DLG2: variants seen among roughly 807,000 people sequenced by gnomAD.
DLG2 encodes the protein disks large homolog 2.
A neutral mutation model predicts 132.5 loss-of-function variants in DLG2; 45 were observed. That is an observed-to-expected ratio of 0.34 (90% CI 0.27 to 0.44). The LOEUF (loss-of-function observed/expected upper bound fraction) is 0.44, where lower values mean the gene tolerates loss of function less well. Among genes scored for constraint, DLG2 ranks in the 20% least tolerant of loss-of-function variants. The pLI, the probability that DLG2 is intolerant of heterozygous loss-of-function variation, is 1.00. For synonymous variants in DLG2, 424 were observed against 419.6 expected, an observed-to-expected ratio of 1.01 and a Z score of -0.13; for missense variants, 1,045 against 1,196.9, an observed-to-expected ratio of 0.87 and a Z score of 1.87.
At chr11:85,365,661 T>C (rs1360996594) in intron 3 of DLG2, among the ~76,000 whole-genome samples, 3 of 152,132 alleles carry the variant, frequency 2.0e-5, no homozygotes, top group Non-Finnish European at 4.4e-5. Flanking sequence ...CTATTCACAA[T>C]AGCAAAGACT....
chr11:83,552,761 C>A (rs1035586363), intron 19 of DLG2, among the ~76,000 whole-genome samples: 1 of 152,180 alleles, frequency 6.6e-6, no homozygotes, highest in Non-Finnish European at 1.5e-5. Flanking sequence ...ACACACATGA[C>A]CACAATTTAT....
chr11:84,670,419 A>G (rs1244228639), intron 6 of DLG2, among the ~76,000 whole-genome samples: 1 of 152,094 alleles, frequency 6.6e-6, no homozygotes, highest in East Asian at 1.9e-4. Context: ...GAGTAACTTC[A>G]GTGATATGTT....
intron 3 of DLG2, among the ~76,000 whole-genome samples, chr11:85,393,055 G>C (rs1435970866): frequency 6.6e-6 from 1 of 152,084 alleles, no homozygotes; most frequent in Admixed American, 6.6e-5. Flanking sequence ...TAGAATAGGA[G>C]AAAATCTTCA....
intron 17 of DLG2, among the ~76,000 whole-genome samples, chr11:83,808,824 T>G (rs1042577618): frequency 1.8e-4 from 28 of 152,180 alleles, no homozygotes; most frequent in African/African-American, 6.0e-4. Context: ...TTCTCATTTT[T>G]TTTCCTCTCT....
At position 84,708,788 on chromosome 11, in the gene DLG2, A is replaced by G. The variant is rs184504021; in HGVS notation, c.358-174057T>C. Among the ~76,000 whole-genome samples, 284 of 152,024 alleles carry G rather than the reference A, an allele frequency of 1.9e-3. 3 individuals carry two copies. The highest frequency in any genetic ancestry group is 3.9e-3 in the South Asian group (19 of 4,822). ...TAGCTACAGCAAAGGGCAATGCACAAGTACAGAGAGAAAATGTCTCATTTT... is the reference window on the plus strand; with the variant it reads ...TAGCTACAGCAAAGGGCAATGCACAGGTACAGAGAGAAAATGTCTCATTTT... On this transcript the variant is annotated intron_variant, in intron 6 of 27. Transcript: ENST00000376104.
In DLG2 at chr11:84,502,253, TCCTTCCTTCCTTCCTTCCTTCCTTC is replaced by T. The variant is rs1184720817; in HGVS notation, c.519+32292_519+32316del. 7.8e-5 allele frequency among the ~76,000 whole-genome samples: 4 copies of T among 51,146 alleles called. 2 individuals carry two copies. The highest frequency in any genetic ancestry group is 1.4e-4 in the Non-Finnish European group (4 of 29,114). The allele number at this position is 51,146 out of a possible 152,430, so 33.6% of individuals were successfully genotyped here. On this transcript the variant is annotated intron_variant, in intron 7 of 27. Coordinates refer to ENST00000376104, the MANE Select transcript of DLG2 (RefSeq NM_001142699.3). The stretch of plus-strand genomic sequence containing the variant: ...TTCCTTCCTTCCTTCCTTCCTTCCT[TCCTTCCTTCCTTCCTTCCTTCCTTC>T]CTTCTTTCTTTCTTTCTTTCTTTCT...
intron 21 of DLG2, among the ~76,000 whole-genome samples, chr11:83,487,395 A>G (rs2093587382): frequency 6.6e-6 from 1 of 152,078 alleles, no homozygotes; most frequent in Non-Finnish European, 1.5e-5. Context: ...GTTAATCTCC[A>G]TGCTAACTTC....
chr11:84,972,847 GACT>G (rs1192920624), intron 6 of DLG2, among the ~76,000 whole-genome samples: 2 of 152,042 alleles, frequency 1.3e-5, no homozygotes, highest in Admixed American at 6.6e-5. Flanking sequence ...AGCTTGTTGA[GACT>G]GCAGACTTAG....
At chr11:84,678,486 G>A (rs1459304766) in intron 6 of DLG2, among the ~76,000 whole-genome samples, 1 of 152,026 alleles carries the variant, frequency 6.6e-6, no homozygotes, top group Non-Finnish European at 1.5e-5. Context: ...TTACAGTCAA[G>A]TCCTGCCACT....
intron 6 of DLG2, among the ~76,000 whole-genome samples, chr11:84,786,645 G>A (rs747652918): frequency 3.9e-5 from 6 of 152,126 alleles, no homozygotes; most frequent in Non-Finnish European, 7.4e-5. Context: ...TGTAAGATCT[G>A]AATAAAGCTC....
chr11:84,766,211 T>C (rs764041836), intron 6 of DLG2, among the ~76,000 whole-genome samples: 28 of 152,160 alleles, frequency 1.8e-4, no homozygotes, highest in South Asian at 4.1e-4. Context: ...CATTTTAGCC[T>C]TCACAAGTGC....
At chr11:84,298,966 G>T (rs2098123432) in intron 7 of DLG2, among the ~76,000 whole-genome samples, 1 of 152,132 alleles carries the variant, frequency 6.6e-6, no homozygotes, top group Admixed American at 6.5e-5. Flanking sequence ...GTTTTATTTT[G>T]TAAACTAGTG....
In DLG2 at chr11:83,762,729, T is replaced by C. The variant is rs181670706; in HGVS notation, c.1825+23961A>G. Among the ~76,000 whole-genome samples the C allele has an allele frequency of 2.5e-3, 377 of 152,182 alleles. 2 individuals are homozygous for C. Among genetic ancestry groups the C allele is most frequent in the South Asian group, 9.1e-3 (44 of 4,814 alleles). ...CTCAACAGCTGGGACTACAGGCGCA[T>C]GCCGCCACGCCTGGCTAATTTTTTT... On this transcript the variant is annotated intron_variant, in intron 18 of 27. Coordinates refer to ENST00000376104, the MANE Select transcript of DLG2 (RefSeq NM_001142699.3).
chr11:83,748,828 C>G (rs929787993), intron 18 of DLG2, among the ~76,000 whole-genome samples: 8 of 152,166 alleles, frequency 5.3e-5, no homozygotes, highest in African/African-American at 1.9e-4. Flanking sequence ...ATCTCTACTA[C>G]TTTGTTCCCC....
chr11:84,886,503 C>G (rs1436414182), intron 6 of DLG2, among the ~76,000 whole-genome samples: 1 of 152,058 alleles, frequency 6.6e-6, no homozygotes, highest in Non-Finnish European at 1.5e-5. Flanking sequence ...CTATGCTTAC[C>G]CACAAACATC....
intron 7 of DLG2, among the ~76,000 whole-genome samples, chr11:84,482,492 C>T (rs556429070): frequency 6.6e-6 from 1 of 152,306 alleles, no homozygotes; most frequent in East Asian, 1.9e-4. Flanking sequence ...AATAATAAAA[C>T]CTTGAGCAAG....
chr11:84,345,924 C>T (rs4636699), intron 7 of DLG2, among the ~76,000 whole-genome samples: 46,524 of 151,926 alleles, frequency 0.31, 8,789 homozygotes, highest in African/African-American at 0.54. Context: ...ACAATTTGAC[C>T]CTTTGTTTAA....
chr11:85,519,591 C>T (rs779521411), intron 3 of DLG2, among the ~76,000 whole-genome samples: 95 of 152,160 alleles, frequency 6.2e-4, no homozygotes, highest in Non-Finnish European at 1.5e-4. Context: ...TCAGATGAGA[C>T]TTTGGACTGT....
intron 6 of DLG2, among the ~76,000 whole-genome samples, chr11:84,598,058 C>CTT (rs1160708184): frequency 1.3e-5 from 2 of 152,138 alleles, no homozygotes; most frequent in Non-Finnish European, 2.9e-5. Context: ...GCTCAGAAGG[C>CTT]TTTATTAAGA....
Sources: allele counts gnomAD v4.1 joint callset (sites outside exome capture counted in the v4.1 genomes callset), GRCh38; gene constraint gnomAD v4.1.1; transcripts MANE v1.5; gene names NCBI Gene and HGNC (gene_info 2026-07-23, HGNC 2026-07-21).